Variants in RAMP3 observed in about 807,000 individuals in gnomAD.
RAMP3 encodes the protein receptor activity modifying protein 3.
A neutral mutation model predicts 13.5 loss-of-function variants in RAMP3; 14 were observed. The observed-to-expected ratio is 1.04, with a 90% CI of 0.69 to 1.63. The LOEUF (loss-of-function observed/expected upper bound fraction) is 1.63. RAMP3 is among the 40% of genes most tolerant of loss of function. RAMP3 has a pLI of 0.00. For synonymous variants in RAMP3, 106 were observed against 88.3 expected, an observed-to-expected ratio of 1.20 and a Z score of -1.12; for missense variants, 200 against 204.8, an observed-to-expected ratio of 0.98 and a Z score of 0.14.
chr7:45,174,306 G>A (rs533772322), intron 1 of RAMP3, among the ~76,000 whole-genome samples: 16 of 152,226 alleles, frequency 1.1e-4, no homozygotes, highest in African/African-American at 3.4e-4. Context: ...GGGGCCTAAG[G>A]GCCAGGGAAA....
At chr7:45,165,101 T>A (rs1390180259) in intron 1 of RAMP3, among the ~76,000 whole-genome samples, 2 of 152,168 alleles carry the variant, frequency 1.3e-5, no homozygotes, top group Non-Finnish European at 2.9e-5. Context: ...TCCTCCTCCA[T>A]CCTTGCTAAT....
chr7:45,181,369 C>G (rs572610689), intron 2 of RAMP3, among the ~76,000 whole-genome samples: 1 of 152,250 alleles, frequency 6.6e-6, no homozygotes, highest in South Asian at 2.1e-4. Flanking sequence ...GCTTTCAGCC[C>G]TGCCTCACCT....
chr7:45,159,348 A>G (rs1785822134), intron 1 of RAMP3, among the ~76,000 whole-genome samples: 1 of 152,196 alleles, frequency 6.6e-6, no homozygotes, highest in Non-Finnish European at 1.5e-5. Flanking sequence ...GGTATCCGGG[A>G]CTGGAACCCA....
At chr7:45,179,382 C>T (rs1029403198) in intron 2 of RAMP3, among the ~76,000 whole-genome samples, 7 of 151,876 alleles carry the variant, frequency 4.6e-5, no homozygotes, top group African/African-American at 1.5e-4. Context: ...CAAGCAGGGT[C>T]CCTGGAAATC....
intron 1 of RAMP3, 43 bp downstream of exon 1, chr7:45,157,929 G>C: frequency 7.5e-7 from 1 of 1,329,334 alleles, no homozygotes; most frequent in Non-Finnish European, 9.6e-7. Flanking sequence ...CCCACTCCTC[G>C]GGGTTCACCG....
At chr7:45,165,798 G>T (rs1161770903) in intron 1 of RAMP3, among the ~76,000 whole-genome samples, 1 of 152,176 alleles carries the variant, frequency 6.6e-6, no homozygotes, top group Non-Finnish European at 1.5e-5. Context: ...TAATATGTGA[G>T]ATTTTGTGAC....
Position 45,163,115 on chromosome 7 carries a change from G to C in RAMP3, c.58+5229G>C, listed in dbSNP as rs945793941. ...ATCACTTGGAGGTTTTAACAAACAT[G>C]AATTATTGGTTTCACACCCCAGAGG... On this transcript the variant is annotated intron_variant, in intron 1 of 2. Transcript: ENST00000242249. The C allele has an allele frequency of 4.1e-6, 4 of 970,572 alleles. No homozygotes were observed. The African/African-American group carries it at 7.0e-5, about 17-fold the overall frequency. The allele number at this position is 970,572 out of a possible 1,614,324, so 60.1% of individuals were successfully genotyped here. A position where few individuals can be genotyped will look rare whatever the true frequency, so the allele number is the denominator to read the frequency against.
intron 1 of RAMP3, among the ~76,000 whole-genome samples, chr7:45,174,887 C>T (rs576432921): frequency 1.8e-4 from 28 of 152,288 alleles, no homozygotes; most frequent in African/African-American, 4.3e-4. Flanking sequence ...CAACACAGTC[C>T]GCAACACATG....
intron 2 of RAMP3, among the ~76,000 whole-genome samples, chr7:45,179,441 A>C (rs1330694810): frequency 6.6e-6 from 1 of 152,222 alleles, no homozygotes; most frequent in Admixed American, 6.5e-5. Flanking sequence ...AGATGGAACC[A>C]AGCAAACCCG....
rs553398663 is a variant in RAMP3, at chr7:45,162,622, G to A, written c.58+4736G>A. 7.8e-4 allele frequency among the ~76,000 whole-genome samples: 119 copies of A among 152,326 alleles called. 1 individual carries two copies. The South Asian group carries it at 0.018, about 23-fold the overall frequency. On this transcript the variant is annotated intron_variant, in intron 1 of 2. Transcript: ENST00000242249. Reference sequence around the variant, plus strand: ...ACAGGGTTTCAGTCTTTAAGTACCTGCCCTGTCTGGCTGTTGTAGGGCTTG... The same window carrying A: ...ACAGGGTTTCAGTCTTTAAGTACCTACCCTGTCTGGCTGTTGTAGGGCTTG...
intron 1 of RAMP3, among the ~76,000 whole-genome samples, chr7:45,164,629 T>G (rs1490582581): frequency 6.6e-6 from 1 of 152,256 alleles, no homozygotes; most frequent in African/African-American, 2.4e-5. Context: ...TGTGTTTTGA[T>G]GCTGTTATTA....
In RAMP3 at chr7:45,174,976, C is replaced by T. The variant is rs564215458; in HGVS notation, c.59-2333C>T. Among the ~76,000 whole-genome samples, 174 of 152,328 alleles carry T rather than the reference C, an allele frequency of 1.1e-3. 1 individual carries two copies. Among genetic ancestry groups the T allele is most frequent in the Admixed American group, 2.0e-3 (31 of 15,300 alleles). On this transcript the variant is annotated intron_variant, in intron 1 of 2. Coordinates refer to ENST00000242249, the MANE Select transcript of RAMP3 (RefSeq NM_005856.3). ...GACAGTGGGTACTGAGCCACCATCTCCATGTGCAGACCCTGTGGGACCATG... is the reference window on the plus strand; with the variant it reads ...GACAGTGGGTACTGAGCCACCATCTTCATGTGCAGACCCTGTGGGACCATG...
chr7:45,164,123 C>G (rs1312200871), intron 1 of RAMP3, among the ~76,000 whole-genome samples: 2 of 152,224 alleles, frequency 1.3e-5, no homozygotes, highest in Non-Finnish European at 2.9e-5. Flanking sequence ...CCCACCCTTC[C>G]ACACACAGTA....
At chr7:45,178,960 C>A (rs1438282331) in intron 2 of RAMP3, among the ~76,000 whole-genome samples, 1 of 152,088 alleles carries the variant, frequency 6.6e-6, no homozygotes, top group Admixed American at 6.5e-5. Context: ...CATTGCGGAG[C>A]CCTCCCACGA....
intron 1 of RAMP3, among the ~76,000 whole-genome samples, chr7:45,171,447 C>T (rs558970875): frequency 2.0e-5 from 3 of 152,308 alleles, no homozygotes; most frequent in East Asian, 3.9e-4. Context: ...TGAGCCACCA[C>T]GCTCAGCCCT....
intron 1 of RAMP3, chr7:45,163,739 G>T: frequency 2.0e-6 from 2 of 985,150 alleles, no homozygotes; most frequent in Non-Finnish European, 2.4e-6. Flanking sequence ...GCCCTGCTTG[G>T]AGTCACACAG....
Position 45,174,003 on chromosome 7 carries a change from G to A in RAMP3, c.59-3306G>A, listed in dbSNP as rs186035186. On this transcript the variant is annotated intron_variant, in intron 1 of 2. Transcript: ENST00000242249. Reference sequence around the variant, plus strand: ...GAGGGGTGAGGTGGGGGTGTTGGTGGGGGCTGTGGATTTCCTCCTAGGGAG... The same window carrying A: ...GAGGGGTGAGGTGGGGGTGTTGGTGAGGGCTGTGGATTTCCTCCTAGGGAG... Among the ~76,000 whole-genome samples, 1,419 of 152,202 alleles carry A rather than the reference G, an allele frequency of 9.3e-3. 9 individuals carry two copies. The highest frequency in any genetic ancestry group is 0.019 in the Admixed American group (288 of 15,288).
At chr7:45,180,271 T>C (rs1451456402) in intron 2 of RAMP3, among the ~76,000 whole-genome samples, 2 of 152,228 alleles carry the variant, frequency 1.3e-5, no homozygotes, top group Non-Finnish European at 2.9e-5. Context: ...TGGAGGGCAC[T>C]TGATGCTTAC....
At chr7:45,165,511 A>G (rs1037531413) in intron 1 of RAMP3, among the ~76,000 whole-genome samples, 1 of 152,150 alleles carries the variant, frequency 6.6e-6, no homozygotes, top group Non-Finnish European at 1.5e-5. Context: ...AAAAGTTTTT[A>G]TTATGCCTTA....
Sources: gnomAD v4.1 joint callset for allele counts (sites outside exome capture counted in the v4.1 genomes callset) on GRCh38, gnomAD v4.1.1 for gene constraint, MANE v1.5 for transcripts, NCBI Gene and HGNC (gene_info 2026-07-23, HGNC 2026-07-21) for gene names.